The following GPR107 variants were observed in gnomAD, a reference collection of about 807,000 sequenced individuals.
GPR107 encodes G protein-coupled receptor 107, also known as protein GPR107.
In GPR107, 31 loss-of-function variants were observed where a neutral mutation model predicts 75.5. That is an observed-to-expected ratio of 0.41 (90% CI 0.31 to 0.55). The LOEUF (loss-of-function observed/expected upper bound fraction) is 0.55. GPR107 is among the 20% of genes least tolerant of loss of function. GPR107 has a pLI of 0.26. For synonymous variants in GPR107, 267 were observed against 251.3 expected, an observed-to-expected ratio of 1.06 and a Z score of -0.59; for missense variants, 572 against 665.7, an observed-to-expected ratio of 0.86 and a Z score of 1.55.
At chr9:130,126,548 C>G (rs1589531479) in intron 15 of GPR107, among the ~76,000 whole-genome samples, 3 of 152,156 alleles carry the variant, frequency 2.0e-5, no homozygotes, top group Middle Eastern at 6.8e-3. Flanking sequence ...CGGGTTTTCT[C>G]CGTGTTGGTC....
chr9:130,055,925 C>T lies in GPR107; in HGVS notation c.141+1852C>T, dbSNP rs190571302. ...TTGTGCCACTGCACTCCAGTCGGGGCGAAAGAACTATACTCTGTCTCAAAT... is the reference window on the plus strand; with the variant it reads ...TTGTGCCACTGCACTCCAGTCGGGGTGAAAGAACTATACTCTGTCTCAAAT... On this transcript the variant is annotated intron_variant, in intron 1 of 17. Transcript: ENST00000347136. 2.3e-3 allele frequency among the ~76,000 whole-genome samples: 354 copies of T among 151,886 alleles called. 1 individual carries two copies. Among genetic ancestry groups the T allele is most frequent in the African/African-American group, 8.2e-3 (339 of 41,414 alleles).
chr9:130,109,829 A>G (rs553650974), intron 14 of GPR107, among the ~76,000 whole-genome samples: 67 of 152,330 alleles, frequency 4.4e-4, no homozygotes, highest in African/African-American at 1.6e-3. Flanking sequence ...TCGGCCTCCC[A>G]AAGTGCTGGG....
intron 7 of GPR107, among the ~76,000 whole-genome samples, 176 bp downstream of exon 7, chr9:130,086,652 T>C (rs901607867): frequency 5.3e-5 from 8 of 152,136 alleles, no homozygotes; most frequent in Admixed American, 5.2e-4. Context: ...TTGTTACCCA[T>C]CTACTTATCA....
At chr9:130,115,910 G>A (rs1394981842) in intron 14 of GPR107, among the ~76,000 whole-genome samples, 1 of 152,144 alleles carries the variant, frequency 6.6e-6, no homozygotes, top group Admixed American at 6.5e-5. Flanking sequence ...GCCAATGTGT[G>A]TTTTTTATTA....
intron 1 of GPR107, among the ~76,000 whole-genome samples, chr9:130,067,381 T>C (rs897539267): frequency 1.3e-5 from 2 of 152,186 alleles, no homozygotes; most frequent in African/African-American, 4.8e-5. Flanking sequence ...GAGATAGATG[T>C]TATTATCCCT....
intron 9 of GPR107, among the ~76,000 whole-genome samples, chr9:130,094,836 A>G (rs1347821616): frequency 6.6e-6 from 1 of 152,016 alleles, no homozygotes; most frequent in Non-Finnish European, 1.5e-5. Context: ...GCCTGCCACC[A>G]TGCCTGGCGA....
chr9:130,091,955 A>G lies in GPR107; in HGVS notation c.730-293A>G, dbSNP rs1830749717. Among the ~76,000 whole-genome samples the G allele has an allele frequency of 6.6e-6, 1 of 151,788 alleles. No individual in the cohort carries two copies. The highest frequency in any genetic ancestry group is 2.1e-4 in the South Asian group (1 of 4,810). Reference sequence around the variant, plus strand: ...GTGATCCACCTACCTCGGCCTCCCAAAGTGCTGGGATTACAGGCGTGAGCC... The same window carrying G: ...GTGATCCACCTACCTCGGCCTCCCAGAGTGCTGGGATTACAGGCGTGAGCC... On this transcript the variant is annotated intron_variant, in intron 8 of 17. Coordinates refer to ENST00000347136, the MANE Select transcript of GPR107 (RefSeq NM_020960.5).
At chr9:130,101,532 C>T (rs766665691) in intron 12 of GPR107, among the ~76,000 whole-genome samples, 2 of 152,248 alleles carry the variant, frequency 1.3e-5, no homozygotes, top group Non-Finnish European at 2.9e-5. Flanking sequence ...TGCTTCATAA[C>T]TAAATGGTGC....
At chr9:130,114,352 G>T (rs2132631759) in intron 14 of GPR107, among the ~76,000 whole-genome samples, 1 of 152,104 alleles carries the variant, frequency 6.6e-6, no homozygotes, top group East Asian at 1.9e-4. Flanking sequence ...CTGGGCCGCA[G>T]AGTAAGACTC....
chr9:130,134,952 G>A (rs1003416), intron 17 of GPR107, 73 bp from the exon 18 acceptor site: 570,056 of 827,982 alleles, frequency 0.69, 199,749 homozygotes, highest in Non-Finnish European at 0.74. Context: ...CCTAATCACC[G>A]TGCTGTGGCA....
Position 130,099,328 on chromosome 9 carries a change from A to G in GPR107, c.864-129A>G, listed in dbSNP as rs1186050111. ...AGACCCTGTCTCAAAAAAAAAAAAA[A>G]GTTTCATGTTTGTGGTTTGCACAGA... is the stretch of plus-strand genomic sequence containing the variant. On this transcript the variant is annotated intron_variant, in intron 9 of 17. Coordinates refer to ENST00000347136, the MANE Select transcript of GPR107 (RefSeq NM_020960.5). 7 of 585,978 alleles carry G rather than the reference A, an allele frequency of 1.2e-5. No homozygotes were observed. The East Asian group carries it at 2.0e-4, about 17-fold the overall frequency. The allele number at this position is 585,978 out of a possible 1,614,324, so 36.3% of individuals were successfully genotyped here. A position where few individuals can be genotyped will look rare whatever the true frequency, so the allele number is the denominator to read the frequency against.
At chr9:130,114,748 T>A in intron 14 of GPR107, 1 of 982,846 alleles carries the variant, frequency 1.0e-6, no homozygotes, top group Non-Finnish European at 1.2e-6. Context: ...TTGGGGTCTT[T>A]AGGAATTTTT....
intron 14 of GPR107, among the ~76,000 whole-genome samples, chr9:130,121,791 C>T (rs1446762014): frequency 6.6e-6 from 1 of 152,236 alleles, no homozygotes; most frequent in Non-Finnish European, 1.5e-5. Context: ...GAAAACATGA[C>T]ACTTCCTTGT....
At chr9:130,087,328 T>G (rs1167650463) in intron 7 of GPR107, among the ~76,000 whole-genome samples, 2 of 152,058 alleles carry the variant, frequency 1.3e-5, no homozygotes, top group Admixed American at 6.6e-5. Flanking sequence ...GTGAGCCACC[T>G]TGCCTGGTCT....
At chr9:130,067,267 A>T (rs9299328) in intron 1 of GPR107, among the ~76,000 whole-genome samples, 149,947 of 152,324 alleles carry the variant, frequency 0.98, 73,816 homozygotes, top group East Asian at 1. Context: ...AAATCCAAAT[A>T]TTAAGTGATA....
chr9:130,083,702 A>T, intron 6 of GPR107, 100 bp downstream of exon 6: 4 of 636,454 alleles, frequency 6.3e-6, no homozygotes, highest in Non-Finnish European at 1.0e-5. Context: ...ATATACATAC[A>T]TGCATGCACA....
At chr9:130,128,543 G>A in intron 16 of GPR107, 97 bp from the exon 17 acceptor site, 2 of 991,278 alleles carry the variant, frequency 2.0e-6, no homozygotes, top group Admixed American at 1.9e-5. Context: ...ATCGAGTGGT[G>A]GGTTGTGGGG....
At chr9:130,095,731 T>C (rs1009412002) in intron 9 of GPR107, among the ~76,000 whole-genome samples, 4 of 152,158 alleles carry the variant, frequency 2.6e-5, no homozygotes, top group African/African-American at 9.7e-5. Context: ...TAAATGAGGC[T>C]GACCTATTGT....
chr9:130,132,499 G>T (rs1329016284), intron 17 of GPR107, among the ~76,000 whole-genome samples: 2 of 152,208 alleles, frequency 1.3e-5, no homozygotes, highest in Non-Finnish European at 2.9e-5. Flanking sequence ...AAATATATTT[G>T]CCGTAGGCCA....
Sources: gnomAD v4.1 joint callset for allele counts (sites outside exome capture counted in the v4.1 genomes callset) on GRCh38, gnomAD v4.1.1 for gene constraint, MANE v1.5 for transcripts, NCBI Gene and HGNC (gene_info 2026-07-23, HGNC 2026-07-21) for gene names.